The following DCAF6 variants were observed in gnomAD, a reference collection of about 807,000 sequenced individuals.
DCAF6 encodes the protein DDB1 and CUL4 associated factor 6.
Under a neutral mutation model 125.1 loss-of-function variants are expected in DCAF6, and 54 were observed. The observed-to-expected ratio is 0.43, with a 90% CI of 0.35 to 0.54. The LOEUF (loss-of-function observed/expected upper bound fraction) is 0.54. Among genes scored for constraint, DCAF6 ranks in the 20% least tolerant of loss-of-function variants. DCAF6 has a pLI of 0.01. For missense variants in DCAF6, 934 were observed against 1,161.7 expected (o/e 0.80, Z 2.85); for synonymous variants, 371 against 390.4 (o/e 0.95, Z 0.58).
At chr1:168,031,665 A>G (rs1687106846) in intron 12 of DCAF6, among the ~76,000 whole-genome samples, 1 of 152,234 alleles carries the variant, frequency 6.6e-6, no homozygotes, top group South Asian at 2.1e-4. Flanking sequence ...TTTATCTACA[A>G]AATGAGAGTG....
the DCAF6 span, among the ~76,000 whole-genome samples, chr1:167,920,362 A>G: frequency 1.3e-5 from 2 of 152,228 alleles, no homozygotes; most frequent in South Asian, 4.1e-4. Flanking sequence ...GCAAAAGCCC[A>G]TTCAGATACT....
intron 8 of DCAF6, among the ~76,000 whole-genome samples, chr1:168,003,357 T>G (rs1682901158): frequency 6.6e-6 from 1 of 152,168 alleles, no homozygotes; most frequent in African/African-American, 2.4e-5. Context: ...ACAAAATACT[T>G]TCTGGTTCCA....
chr1:167,968,319 G>A (rs12760393), intron 3 of DCAF6, among the ~76,000 whole-genome samples: 3,320 of 152,216 alleles, frequency 0.022, 53 homozygotes, highest in Non-Finnish European at 0.03. Flanking sequence ...CTAACCCTGG[G>A]ACTGAGATAA....
chr1:168,037,171 C>T (rs1346343936), intron 12 of DCAF6, among the ~76,000 whole-genome samples: 1 of 139,110 alleles, frequency 7.2e-6, no homozygotes, highest in Non-Finnish European at 1.5e-5. Context: ...CTTAAGGGTT[C>T]CTCCCACCAC....
At chr1:167,888,887 AAAAGAAAAAG>A in the DCAF6 span, among the ~76,000 whole-genome samples, 2 of 151,326 alleles carry the variant, frequency 1.3e-5, no homozygotes, top group African/African-American at 2.4e-5. Flanking sequence ...AAAAAAAAAA[AAAAGAAAAAG>A]AAAGAAAAAG....
the DCAF6 span, among the ~76,000 whole-genome samples, chr1:167,891,966 T>A: frequency 6.6e-6 from 1 of 151,038 alleles, no homozygotes; most frequent in Non-Finnish European, 1.5e-5. Flanking sequence ...TGTGCTAATT[T>A]TTTTCTTTTC....
chr1:168,007,477 A>AC (rs376990780), intron 10 of DCAF6, among the ~76,000 whole-genome samples: 47 of 151,340 alleles, frequency 3.1e-4, no homozygotes, highest in African/African-American at 1.1e-3. Context: ...TTATTAACCA[A>AC]CCCCCATCTG....
At chr1:167,886,938 T>C in the DCAF6 span, among the ~76,000 whole-genome samples, 1 of 152,198 alleles carries the variant, frequency 6.6e-6, no homozygotes, top group Non-Finnish European at 1.5e-5. Flanking sequence ...AACAGACAGA[T>C]GAAAAAATGT....
chr1:168,027,371 T>TA lies in DCAF6; in HGVS notation c.1609+4325dup, dbSNP rs1465897955. Among the ~76,000 whole-genome samples, 3 of 152,160 alleles carry TA rather than the reference T, an allele frequency of 2.0e-5. No individual in the cohort carries two copies. In the East Asian group the frequency reaches 5.8e-4, roughly 29 times the overall value. ...GTAAGGGATAGTTGATGTCCCCAGATATGCTATTATTTCAAAATTTTAACC... is the reference window on the plus strand; with the variant it reads ...GTAAGGGATAGTTGATGTCCCCAGATAATGCTATTATTTCAAAATTTTAACC... On this transcript the variant is annotated intron_variant, in intron 12 of 21. Transcript: ENST00000367840.
At chr1:167,987,119 C>T (rs1457572847) in intron 4 of DCAF6, among the ~76,000 whole-genome samples, 2 of 151,972 alleles carry the variant, frequency 1.3e-5, no homozygotes, top group African/African-American at 4.8e-5. Context: ...AATTTGCTTA[C>T]GTATTTATTG....
intron 17 of DCAF6, among the ~76,000 whole-genome samples, chr1:168,062,868 G>A (rs1219568273): frequency 6.6e-6 from 1 of 151,214 alleles, no homozygotes; most frequent in Non-Finnish European, 1.5e-5. Flanking sequence ...CCATAAAGAA[G>A]ATGCTATTTG....
chr1:168,052,326 A>G (rs996534534), intron 17 of DCAF6, among the ~76,000 whole-genome samples: 4 of 152,248 alleles, frequency 2.6e-5, no homozygotes, highest in African/African-American at 4.8e-5. Context: ...ATAAAGTACC[A>G]TGATGCTTTA....
chr1:167,956,851 T>C (rs1022909888), intron 2 of DCAF6, among the ~76,000 whole-genome samples: 1 of 152,186 alleles, frequency 6.6e-6, no homozygotes, highest in East Asian at 1.9e-4. Context: ...TGTTATTTCT[T>C]AGTTTTCCAA....
chr1:168,010,462 T>G (rs935587722), intron 10 of DCAF6, among the ~76,000 whole-genome samples: 1 of 152,134 alleles, frequency 6.6e-6, no homozygotes, highest in Non-Finnish European at 1.5e-5. Flanking sequence ...GAAATGGAAT[T>G]TAAAATCAGT....
chr1:167,914,470 A>G, the DCAF6 span, among the ~76,000 whole-genome samples: 1 of 152,240 alleles, frequency 6.6e-6, no homozygotes, highest in Non-Finnish European at 1.5e-5. Flanking sequence ...AGCTTGTACC[A>G]GGACTATGAA....
chr1:167,907,596 A>C, the DCAF6 span, among the ~76,000 whole-genome samples: 1 of 152,146 alleles, frequency 6.6e-6, no homozygotes, highest in Non-Finnish European at 1.5e-5. Flanking sequence ...AGGGAAGTGC[A>C]CTCCTACCAT....
chr1:167,868,553 G>T, the DCAF6 span, among the ~76,000 whole-genome samples: 1 of 151,918 alleles, frequency 6.6e-6, no homozygotes, highest in South Asian at 2.1e-4. Context: ...GAATTCCACC[G>T]GGACTAGACA....
At chr1:167,868,033 T>C in the DCAF6 span, among the ~76,000 whole-genome samples, 1 of 152,032 alleles carries the variant, frequency 6.6e-6, no homozygotes, top group Non-Finnish European at 1.5e-5. Flanking sequence ...TGGGCGTCGA[T>C]AAAAAAGGAC....
chr1:167,968,329 A>G (rs1676761140), intron 3 of DCAF6, among the ~76,000 whole-genome samples: 1 of 151,910 alleles, frequency 6.6e-6, no homozygotes, highest in Non-Finnish European at 1.5e-5. Flanking sequence ...GACTGAGATA[A>G]ACCACTGAAA....
Sources: allele counts gnomAD v4.1 joint callset (sites outside exome capture counted in the v4.1 genomes callset), GRCh38; gene constraint gnomAD v4.1.1; transcripts MANE v1.5; gene names NCBI Gene and HGNC (gene_info 2026-07-23, HGNC 2026-07-21).